The following PCDHGA7 variants were observed in gnomAD, a reference collection of about 807,000 sequenced individuals.
PCDHGA7 encodes protocadherin gamma-A7.
In PCDHGA7, 44 loss-of-function variants were observed where a neutral mutation model predicts 58.3. That is an observed-to-expected ratio of 0.75 (90% confidence interval 0.59 to 0.97). The LOEUF (loss-of-function observed/expected upper bound fraction) is 0.97, where lower values mean the gene tolerates loss of function less well. PCDHGA7 is among the 50% of genes least tolerant of loss of function. The pLI is 0.00. For synonymous variants in PCDHGA7, 516 were observed against 504.2 expected, an observed-to-expected ratio of 1.02 and a Z score of -0.31; for missense variants, 1,266 against 1,188.7, an observed-to-expected ratio of 1.06 and a Z score of -0.96.
chr5:141,405,390 T>C (rs1561700240), intron 1 of PCDHGA7: 1 of 1,600,118 alleles, frequency 6.2e-7, no homozygotes, highest in South Asian at 1.1e-5. Context: ...AGTTCATTTT[T>C]TTTCTTTCTT....
At chr5:141,481,656 A>G (rs1425280340) in intron 1 of PCDHGA7, among the ~76,000 whole-genome samples, 1 of 152,084 alleles carries the variant, frequency 6.6e-6, no homozygotes, top group Non-Finnish European at 1.5e-5. Context: ...CATCTCTACT[A>G]ATAATACAAA....
In PCDHGA7 at chr5:141,383,288, T is replaced by A. The variant is rs1441416956; in HGVS notation, c.389T>A (p.Val130Asp). ...GAAATAATAGATATTAATGACAACG[T>A]TCCAAGATTCTTGACGGAAGAAATA... ...DVEIIDINDN[V>D]PRFLTEEINV... The change falls in exon 1 of 4, where the codon GTT (valine) becomes GAT (aspartate). Residue 130 changes from valine (V) to aspartate (D), a missense_variant. Transcript: ENST00000518325. The A allele has an allele frequency of 1.2e-6, 2 of 1,613,768 alleles. No homozygotes were observed. Among genetic ancestry groups the A allele is most frequent in the Middle Eastern group, 1.6e-4 (1 of 6,082 alleles).
At chr5:141,415,122 C>G (rs552568826) in intron 1 of PCDHGA7, 1 of 1,613,668 alleles carries the variant, frequency 6.2e-7, no homozygotes, top group Non-Finnish European at 8.5e-7. Context: ...TCGTAGTGGC[C>G]GTCCAGGACC....
At chr5:141,427,808 G>C (rs756554301) in intron 1 of PCDHGA7, 1 of 1,522,948 alleles carries the variant, frequency 6.6e-7, no homozygotes, top group Non-Finnish European at 9.0e-7. Context: ...TGAGCGCACA[G>C]AGCGGGGTGG....
In PCDHGA7 at chr5:141,496,208, G is replaced by T. The variant is rs530974273; in HGVS notation, c.2483+1343G>T. On this transcript the variant is annotated intron_variant, in intron 2 of 3. Coordinates refer to ENST00000518325, the MANE Select transcript of PCDHGA7 (RefSeq NM_018920.4). Reference sequence around the variant, plus strand: ...CCAGCTGCTCATTTCAATCTGGTATGAATTCCTGCTGAGACAGGAACCCCC... The same window carrying T: ...CCAGCTGCTCATTTCAATCTGGTATTAATTCCTGCTGAGACAGGAACCCCC... Among the ~76,000 whole-genome samples, 13 of 152,222 alleles carry T rather than the reference G, an allele frequency of 8.5e-5. No homozygotes were observed. In the East Asian group the frequency reaches 2.3e-3, roughly 27 times the overall value.
chr5:141,509,233 AG>A (rs1204393769), intron 3 of PCDHGA7, among the ~76,000 whole-genome samples: 1 of 152,104 alleles, frequency 6.6e-6, no homozygotes, highest in Non-Finnish European at 1.5e-5. Context: ...TTGATGTCCC[AG>A]GATTACTCAG....
rs773893751 is a variant in PCDHGA7 at position 141,431,903 on chromosome 5, G to A, written c.2424+46580G>A. 2 of 1,613,916 alleles carry A rather than the reference G, an allele frequency of 1.2e-6. No individual in the cohort carries two copies. Among genetic ancestry groups the A allele is most frequent in the South Asian group, 2.2e-5 (2 of 91,080 alleles). ...CCAAGATTCTGAGGAAAACGGACAG[G>A]TGATCTGTTTCATCCAAGGAAATCT... On this transcript the variant is annotated intron_variant, in intron 1 of 3. Transcript: ENST00000518325. The surrounding 1 kb of genome is among the most constrained non-coding windows in gnomAD (Gnocchi z 4.8).
intron 1 of PCDHGA7, chr5:141,388,489 G>A: frequency 6.2e-7 from 1 of 1,613,844 alleles, no homozygotes; most frequent in Non-Finnish European, 8.5e-7. Context: ...CCTTTGGACA[G>A]AGAAAAGCAG....
chr5:141,402,749 G>A (rs768250544), intron 1 of PCDHGA7, among the ~76,000 whole-genome samples: 4 of 152,152 alleles, frequency 2.6e-5, no homozygotes, highest in Non-Finnish European at 5.9e-5. Flanking sequence ...TCAACTCTAA[G>A]CGAAAATCAG....
intron 1 of PCDHGA7, among the ~76,000 whole-genome samples, chr5:141,455,095 A>G (rs910300076): frequency 2.6e-5 from 4 of 151,836 alleles, no homozygotes; most frequent in African/African-American, 9.7e-5. Flanking sequence ...TACAGGCTTG[A>G]GCCACTGCGC....
In PCDHGA7 at chr5:141,383,102, C is replaced by T. The variant is rs991434235; in HGVS notation, c.203C>T (p.Ser68Phe). 6.2e-7 allele frequency: 1 copy of T among 1,614,004 alleles called. No homozygotes were observed. Among genetic ancestry groups the T allele is most frequent in the Non-Finnish European group, 8.5e-7 (1 of 1,179,952 alleles). Residue 68 changes from serine (S) to phenylalanine (F), a missense_variant, in exon 1 of 4, where the codon TCC becomes TTC. By Grantham distance (155) the Ser-to-Phe change is radical. Transcript: ENST00000518325. The stretch of plus-strand genomic sequence containing the variant: ...GCGGAGCGCGGAGTCCGCATCATCT[C>T]CAGAGGTAGGACGCAGCTTTTCGCC... Reference protein sequence around the residue: ...ELAERGVRIISRGRTQLFALN... With the variant: ...ELAERGVRIIFRGRTQLFALN...
Position 141,490,778 on chromosome 5 carries a change from A to T in PCDHGA7, c.2425-4029A>T, listed in dbSNP as rs964301520. The T allele has an allele frequency of 5.6e-6, 9 of 1,614,098 alleles. No individual in the cohort carries two copies. The highest frequency in any genetic ancestry group is 7.6e-6 in the Non-Finnish European group (9 of 1,179,962). On this transcript the variant is annotated intron_variant, in intron 1 of 3. Transcript: ENST00000518325. This position sits in a 1 kb window ranked among gnomAD's most constrained non-coding sequence, Gnocchi z 5.4. ...TCCTTTGTGTATGTCAACCCAGAGG[A>T]TGGACGGATCTTTGCCCAGCGTACC... is the stretch of plus-strand genomic sequence containing the variant.
At chr5:141,484,120 C>A (rs1158603108) in intron 1 of PCDHGA7, among the ~76,000 whole-genome samples, 1 of 152,146 alleles carries the variant, frequency 6.6e-6, no homozygotes, top group African/African-American at 2.4e-5. Flanking sequence ...ATCAAGAATA[C>A]CTTGGTGTCA....
intron 1 of PCDHGA7, among the ~76,000 whole-genome samples, chr5:141,459,561 C>T (rs912894386): frequency 2.6e-5 from 4 of 151,954 alleles, no homozygotes; most frequent in African/African-American, 7.3e-5. Context: ...GGATAAATAC[C>T]CCAAAACAGA....
At position 141,486,579 on chromosome 5, in the gene PCDHGA7, G is replaced by A. The variant is rs747583158; in HGVS notation, c.2425-8228G>A. On this transcript the variant is annotated intron_variant, in intron 1 of 3. Coordinates refer to ENST00000518325, the MANE Select transcript of PCDHGA7 (RefSeq NM_018920.4). The surrounding 1 kb of genome is among the most constrained non-coding windows in gnomAD (Gnocchi z 5.0). ...GAGGTGTTTGTTCCTGAGAACAATC[G>A]CCCAGGGGACCTGCTTTGCTCCCTT... is the stretch of plus-strand genomic sequence containing the variant. The A allele has an allele frequency of 5.1e-5, 82 of 1,613,426 alleles. No homozygotes were observed. Among genetic ancestry groups the A allele is most frequent in the South Asian group, 2.2e-4 (20 of 91,084 alleles).
At chr5:141,403,106 C>A (rs1311418325) in intron 1 of PCDHGA7, 1 of 1,614,066 alleles carries the variant, frequency 6.2e-7, no homozygotes. Context: ...CTCCAAGGAC[C>A]TGGCTCTGGA....
At chr5:141,417,602 C>G in intron 1 of PCDHGA7, 1 of 510,170 alleles carries the variant, frequency 2.0e-6, no homozygotes, top group Middle Eastern at 5.2e-4. Context: ...TGGGCGCCGC[C>G]GTCGGCCAGT....
In PCDHGA7 at chr5:141,431,675, G is replaced by A. The variant is rs778040824; in HGVS notation, c.2424+46352G>A. Reference sequence around the variant, plus strand: ...TTCAGGGACAATATCAACAATAGGGGAGTTGGACCACGAGGAGTCAGGATT... The same window carrying A: ...TTCAGGGACAATATCAACAATAGGGAAGTTGGACCACGAGGAGTCAGGATT... On this transcript the variant is annotated intron_variant, in intron 1 of 3. Coordinates refer to ENST00000518325, the MANE Select transcript of PCDHGA7 (RefSeq NM_018920.4). The surrounding 1 kb of genome is among the most constrained non-coding windows in gnomAD (Gnocchi z 4.8). 5.6e-6 allele frequency: 9 copies of A among 1,614,230 alleles called. No homozygotes were observed. Among genetic ancestry groups the A allele is most frequent in the Admixed American group, 1.7e-5 (1 of 60,028 alleles).
At chr5:141,478,169 G>T in intron 1 of PCDHGA7, 1 of 1,613,834 alleles carries the variant, frequency 6.2e-7, no homozygotes, top group Non-Finnish European at 8.5e-7. Flanking sequence ...TGCCCCCCGG[G>T]AGCAGAAAAA....
Sources: gnomAD v4.1 joint callset for allele counts (sites outside exome capture counted in the v4.1 genomes callset) on GRCh38, gnomAD v4.1.1 for gene constraint, Gnocchi (gnomAD v3.1) non-coding constraint, MANE v1.5 for transcripts, NCBI Gene and HGNC (gene_info 2026-07-23, HGNC 2026-07-21) for gene names.